The following PLXNB3 variants were observed in gnomAD, a reference collection of about 807,000 sequenced individuals.
The protein encoded by PLXNB3 is plexin B3.
In PLXNB3, 80 loss-of-function variants were observed where a neutral mutation model predicts 125.7. The ratio of observed to expected loss-of-function variants is 0.64; its 90% CI spans 0.53 to 0.77. The LOEUF (loss-of-function observed/expected upper bound fraction) is 0.77, where lower values mean the gene tolerates loss of function less well. PLXNB3 is among the 30% of genes least tolerant of loss of function. The pLI, the probability that PLXNB3 is intolerant of heterozygous loss-of-function variation, is 0.00. For missense variants in PLXNB3, 1,836 were observed against 1,729.3 expected, an observed-to-expected ratio of 1.06 and a Z score of -1.09; for synonymous variants, 954 against 783.3, an observed-to-expected ratio of 1.22 and a Z score of -3.64.
In PLXNB3 at chrX:153,771,233, G is replaced by A. The variant is rs947842946; in HGVS notation, c.2254-77G>A. ...GGCAGGGAACAATCACATTCATTCT[G>A]GGGGGTGGCCCAGAGGAGACAAGAG... is the stretch of plus-strand genomic sequence containing the variant. On this transcript the variant is annotated intron_variant, in intron 12 of 35. Transcript: ENST00000361971. 1.2e-5 allele frequency: 11 copies of A among 954,999 alleles called. No individual in the cohort carries two copies. In the African/African-American group the frequency reaches 1.5e-4, roughly 13 times the overall value. 78.7% of individuals were successfully genotyped at this position (954,999 alleles called of 1,213,427 possible).
chrX:153,766,501 C>T (rs2091859734), intron 2 of PLXNB3: 4 of 1,042,092 alleles, frequency 3.8e-6, no homozygotes, highest in Non-Finnish European at 3.7e-6. Flanking sequence ...CATCCCTGCC[C>T]CCTCTGTGAC....
intron 8 of PLXNB3, 44 bp from the exon 9 acceptor site, chrX:153,770,294 T>C: frequency 8.3e-7 from 1 of 1,200,871 alleles, no homozygotes; most frequent in Non-Finnish European, 1.1e-6. Flanking sequence ...GCTGGAGGGG[T>C]AATGAGCCAC....
At chrX:153,775,180 G>A in intron 24 of PLXNB3, 45 bp from the exon 25 acceptor site, 1 of 1,150,647 alleles carries the variant, frequency 8.7e-7, no homozygotes, top group African/African-American at 1.8e-5. Flanking sequence ...ACAAAGGTGG[G>A]GGAGGAGTGG....
At position 153,776,192 on chromosome X, in the gene PLXNB3, C is replaced by T. The variant is rs1557064129; in HGVS notation, c.4707C>T (p.Pro1569=). ...AGGGCACCCCCTTCTCCCAGAGGCC[C>T]TCAGTGCATGCCCTAGACCTTGGTG... is the stretch of plus-strand genomic sequence containing the variant. ...VYKGTPFSQR[P]SVHALDLEWR... Residue 1569 remains proline, a synonymous_variant, in exon 27 of 36, where the codon CCC becomes CCT. Transcript: ENST00000361971. The T allele has an allele frequency of 1.7e-6, 2 of 1,182,752 alleles. No homozygotes were observed. Among genetic ancestry groups the T allele is most frequent in the African/African-American group, 1.8e-5 (1 of 56,327 alleles).
chrX:153,773,803 A>T (rs2091958499), intron 19 of PLXNB3, 56 bp from the exon 20 acceptor site: 1 of 1,203,849 alleles, frequency 8.3e-7, no homozygotes, highest in African/African-American at 1.7e-5. Context: ...TGCCCCTAGC[A>T]GCGCACAGCA....
At chrX:153,766,779 G>A in intron 2 of PLXNB3, 94 bp from the exon 3 acceptor site, 1 of 1,091,758 alleles carries the variant, frequency 9.2e-7, no homozygotes, top group Non-Finnish European at 1.2e-6. Flanking sequence ...CCCTGGCCCT[G>A]AGCACCCTGG....
Position 153,765,585 on chromosome X carries a change from G to T in PLXNB3, c.45+5G>T. ...CCTCTGCTGCACCACTTCATGGTAAGTGCCCAGGCCCGGTGTCCCCAGAAA... is the reference window on the plus strand; with the variant it reads ...CCTCTGCTGCACCACTTCATGGTAATTGCCCAGGCCCGGTGTCCCCAGAAA... On this transcript the variant is annotated splice_donor_5th_base_variant and intron_variant, in intron 2 of 35. Transcript: ENST00000361971. 8.4e-7 allele frequency: 1 copy of T among 1,191,478 alleles called. No individual in the cohort carries two copies. Among genetic ancestry groups the T allele is most frequent in the Non-Finnish European group, 1.1e-6 (1 of 884,999 alleles).
chrX:153,770,678 G>T, intron 10 of PLXNB3, 36 bp downstream of exon 10: 3 of 1,207,024 alleles, frequency 2.5e-6, no homozygotes, highest in Non-Finnish European at 3.4e-6. Context: ...AGACAGGGCT[G>T]TCCCTTCTCC....
In PLXNB3 at chrX:153,775,020, G is replaced by A; in HGVS notation, c.4072G>A (p.Gly1358Arg). The A allele has an allele frequency of 1.7e-6, 2 of 1,208,758 alleles. No individual in the cohort carries two copies. The highest frequency in any genetic ancestry group is 3.5e-5 in the South Asian group (2 of 56,620). ...CPLQPKPEGP[G>R]EDGHCATVRQ... The stretch of plus-strand genomic sequence containing the variant: ...GCTGCAGCCCAAGCCTGAGGGGCCA[G>A]GGGAGGACGGCCACTGTGCCACTGT... Residue 1358 changes from glycine (G) to arginine (R), a missense_variant, in exon 24 of 36, where the codon GGG becomes AGG. Coordinates refer to ENST00000361971, the MANE Select transcript of PLXNB3 (RefSeq NM_005393.3).
In PLXNB3 at chrX:153,777,317, G is replaced by A; in HGVS notation, c.5037G>A (p.Glu1679=). Residue 1679 remains glutamate, a synonymous_variant, in exon 30 of 36, where the codon GAG becomes GAA. Coordinates refer to ENST00000361971, the MANE Select transcript of PLXNB3 (RefSeq NM_005393.3). ...AGGTGCGGTGCAGCAGCCTGCGGGA[G>A]CGCGAGCCAGCAAGGGCCAAGGCCA... ...GAKVRCSSLR[E]REPARAKAIP... 8.3e-7 allele frequency: 1 copy of A among 1,206,748 alleles called. No individual in the cohort carries two copies. Among genetic ancestry groups the A allele is most frequent in the Non-Finnish European group, 1.1e-6 (1 of 892,455 alleles).
intron 3 of PLXNB3, 84 bp downstream of exon 3, chrX:153,767,997 G>GT: frequency 1.0e-6 from 1 of 991,681 alleles, no homozygotes; most frequent in African/African-American, 1.9e-5. Flanking sequence ...CCCATGGGAA[G>GT]TGCCAGCCAA....
In PLXNB3 at chrX:153,771,420, C is replaced by G; in HGVS notation, c.2347+17C>G. On this transcript the variant is annotated intron_variant, in intron 13 of 35. Transcript: ENST00000361971. The stretch of plus-strand genomic sequence containing the variant: ...CTCTTTATGGTGAGCCTGAGGGCAG[C>G]CAGGCAGGCGGGGCAGGGTGGGTGG... The G allele has an allele frequency of 8.3e-7, 1 of 1,205,355 alleles. No individual in the cohort carries two copies. The highest frequency in any genetic ancestry group is 1.1e-6 in the Non-Finnish European group (1 of 890,218).
chrX:153,772,554 G>C lies in PLXNB3; in HGVS notation c.2775+267G>C, dbSNP rs1557062374. The C allele has an allele frequency of 1.1e-5, 6 of 525,606 alleles. No individual in the cohort carries two copies. The African/African-American group carries it at 1.4e-4, about 13-fold the overall frequency. 43.3% of individuals were successfully genotyped at this position (525,606 alleles called of 1,213,427 possible). A position where few individuals can be genotyped will look rare whatever the true frequency, so the allele number is the denominator to read the frequency against. ...GACAGGAGCAGTGAGGGCAGGGGTGGGTTCTGCCCAAAGAGGCAACTGGAT... is the reference window on the plus strand; with the variant it reads ...GACAGGAGCAGTGAGGGCAGGGGTGCGTTCTGCCCAAAGAGGCAACTGGAT... On this transcript the variant is annotated intron_variant, in intron 16 of 35. Transcript: ENST00000361971.
At chrX:153,765,431 T>A in intron 1 of PLXNB3, 40 bp from the exon 2 acceptor site, 2 of 1,044,737 alleles carry the variant, frequency 1.9e-6, no homozygotes, top group Admixed American at 2.7e-5. Context: ...CCAGGCCAGC[T>A]CGAATGGGGC....
At chrX:153,774,595 C>T (rs1408722580) in intron 22 of PLXNB3, 24 bp downstream of exon 22, 27 of 1,177,040 alleles carry the variant, frequency 2.3e-5, no homozygotes, top group Non-Finnish European at 3.0e-5. Context: ...ACCCCCAGCA[C>T]ACTTCCCTCC....
Position 153,769,900 on chromosome X carries a change from C to A in PLXNB3, c.1590C>A (p.Ser530Arg). ...EEDSHCLHIQ[S>R]LLPGHHPRQE... ...ACAGCCACTGCCTGCACATCCAGAG[C>A]CTGCTGCCGGGCCACCACCCCCGCC... The change falls in exon 7 of 36, where the codon AGC becomes AGA. Residue 530 changes from serine (S) to arginine (R), a missense_variant. Ser to Arg is a moderately radical substitution (Grantham distance 110). Transcript: ENST00000361971. The A allele has an allele frequency of 8.3e-7, 1 of 1,208,860 alleles. No homozygotes were observed. Among genetic ancestry groups the A allele is most frequent in the Middle Eastern group, 2.5e-4 (1 of 3,941 alleles).
In PLXNB3 at chrX:153,768,941, C is replaced by T. The variant is rs113180001; in HGVS notation, c.1267-7C>T. 1 of 1,208,289 alleles carries T rather than the reference C, an allele frequency of 8.3e-7. No individual in the cohort carries two copies. Among genetic ancestry groups the T allele is most frequent in the African/African-American group, 1.7e-5 (1 of 57,468 alleles). ...TGGCCCAGCCTCGTCCTTGTCCCCC[C>T]ACTCAGGTCTTTCTCCACGGCTCCC... On this transcript the variant is annotated splice_region_variant and splice_polypyrimidine_tract_variant and intron_variant, in intron 4 of 35. Coordinates refer to ENST00000361971, the MANE Select transcript of PLXNB3 (RefSeq NM_005393.3).
At chrX:153,771,682 C>A (rs982544341) in intron 14 of PLXNB3, 27 bp downstream of exon 14, 2 of 1,157,508 alleles carry the variant, frequency 1.7e-6, no homozygotes. Context: ...GCCCCCACAG[C>A]CCAGTGGCCC....
Position 153,773,347 on chromosome X carries a change from C to G in PLXNB3, c.3024C>G (p.Pro1008=), listed in dbSNP as rs782758205. ...CCCAGCGCACACTGCTCGCCAGCCC[C>G]TTCCGCTACACCGCCAACCCCCAGC... ...GHAQRTLLAS[P]FRYTANPQLV... Residue 1008 remains proline, a synonymous_variant, in exon 18 of 36, where the codon CCC becomes CCG. Transcript: ENST00000361971. The G allele has an allele frequency of 8.3e-7, 1 of 1,209,101 alleles. No homozygotes were observed. The highest frequency in any genetic ancestry group is 1.8e-5 in the South Asian group (1 of 56,622).
Sources: allele counts gnomAD v4.1 joint callset, GRCh38; gene constraint gnomAD v4.1.1; transcripts MANE v1.5; gene names NCBI Gene and HGNC (gene_info 2026-07-23, HGNC 2026-07-21).